PPEF1: variants seen among roughly 807,000 people sequenced by gnomAD.
The protein encoded by PPEF1 is serine/threonine-protein phosphatase with EF-hands 1.
PPEF1 carries 12 observed loss-of-function variants against 53.3 expected under a neutral mutation model. The ratio of observed to expected loss-of-function variants is 0.23; its 90% CI spans 0.14 to 0.36. The LOEUF (loss-of-function observed/expected upper bound fraction) is 0.36, where lower values mean the gene tolerates loss of function less well. Among genes scored for constraint, PPEF1 ranks in the 10% least tolerant of loss-of-function variants. The pLI is 1.00. For synonymous variants in PPEF1, 165 were observed against 176.7 expected (o/e 0.93, Z 0.52); for missense variants, 334 against 490.4 (o/e 0.68, Z 3.01).
At chrX:18,735,867 C>T (rs1256042510) in intron 3 of PPEF1, among the ~76,000 whole-genome samples, 1 of 111,456 alleles carries the variant, frequency 9.0e-6, no homozygotes, top group Non-Finnish European at 1.9e-5. Context: ...TGAATTCCTA[C>T]GTATTTTATT....
chrX:18,745,360 C>T (rs1028431865), intron 3 of PPEF1, among the ~76,000 whole-genome samples: 62 of 105,389 alleles, frequency 5.9e-4, no homozygotes, highest in Non-Finnish European at 1.0e-3. Context: ...ACTAGAGGCA[C>T]GCACCACCAT....
At position 18,779,215 on chromosome X, in the gene PPEF1, G is replaced by A. The variant is rs143652441; in HGVS notation, c.725+39G>A. On this transcript the variant is annotated intron_variant, in intron 7 of 15. Coordinates refer to ENST00000470157, the MANE Select transcript of PPEF1 (RefSeq NM_001377996.1). ...TTAGATTTTCTCTTTTAAAAGTTTC[G>A]CACTCTGGAAAATGCTGCCATATTT... 1.5e-3 allele frequency: 1,629 copies of A among 1,112,302 alleles called. 7 individuals carry two copies. In the African/African-American group the frequency reaches 0.016, roughly 11 times the overall value. The allele number at this position is 1,112,302 out of a possible 1,213,427, so 91.7% of individuals were successfully genotyped here.
intron 1 of PPEF1, among the ~76,000 whole-genome samples, chrX:18,726,662 C>CT (rs11348941): frequency 7.6e-4 from 78 of 101,999 alleles, no homozygotes; most frequent in African/African-American, 2.2e-3. Flanking sequence ...TCAGTTATTT[C>CT]TTTTTTTTTT....
At chrX:18,735,563 A>AC in intron 3 of PPEF1, among the ~76,000 whole-genome samples, 1 of 111,784 alleles carries the variant, frequency 8.9e-6, no homozygotes. Flanking sequence ...AGGTAGCGTG[A>AC]TGCCTCCAGC....
chrX:18,769,992 T>A (rs1234018176), intron 6 of PPEF1, among the ~76,000 whole-genome samples: 4 of 111,862 alleles, frequency 3.6e-5, no homozygotes, highest in African/African-American at 1.3e-4. Flanking sequence ...GTCTGCTATT[T>A]TTCCCCCTAC....
chrX:18,716,802 A>G (rs962630406), intron 1 of PPEF1, among the ~76,000 whole-genome samples: 1 of 111,207 alleles, frequency 9.0e-6, no homozygotes, highest in Non-Finnish European at 1.9e-5. Flanking sequence ...ATAGCCATCA[A>G]GCAGTCTTTA....
At chrX:18,751,988 C>T (rs1406220959) in intron 4 of PPEF1, among the ~76,000 whole-genome samples, 1 of 111,529 alleles carries the variant, frequency 9.0e-6, no homozygotes. Context: ...ATTGTTTTGG[C>T]TATTTGGGGT....
intron 1 of PPEF1, among the ~76,000 whole-genome samples, chrX:18,715,233 T>G: frequency 9.2e-6 from 1 of 108,970 alleles, no homozygotes; most frequent in Non-Finnish European, 1.9e-5. Context: ...AGACCCTGAC[T>G]CTTAAAAGAA....
intron 9 of PPEF1, among the ~76,000 whole-genome samples, chrX:18,788,132 C>CA (rs1332677418): frequency 2.7e-5 from 3 of 110,069 alleles, no homozygotes; most frequent in Admixed American, 1.9e-4. Context: ...CTGGCTAACA[C>CA]GGTGACACCC....
intron 13 of PPEF1, among the ~76,000 whole-genome samples, chrX:18,823,186 T>C (rs924457041): frequency 9.0e-6 from 1 of 111,533 alleles, no homozygotes; most frequent in Non-Finnish European, 1.9e-5. Flanking sequence ...CCTATAAAAA[T>C]AGAAACAGCC....
Position 18,789,147 on chromosome X carries a change from G to A in PPEF1, c.939G>A (p.Thr313=), listed in dbSNP as rs200175091. ...NKMKSVLIPP[T]ETNRDHDTDS... The stretch of plus-strand genomic sequence containing the variant: ...TGAAATCTGTGCTGATACCACCAAC[G>A]GAAACAAACAGAGACCATGACACTG... Residue 313 remains threonine, a synonymous_variant, in exon 10 of 16, where the codon ACG becomes ACA. Transcript: ENST00000470157. 1.9e-5 allele frequency: 23 copies of A among 1,209,971 alleles called. No individual in the cohort carries two copies. In the African/African-American group the frequency reaches 2.6e-4, roughly 14 times the overall value.
At chrX:18,713,652 CTCAT>C (rs2044378604) in intron 1 of PPEF1, among the ~76,000 whole-genome samples, 2 of 110,899 alleles carry the variant, frequency 1.8e-5, no homozygotes, top group African/African-American at 6.5e-5. Flanking sequence ...AAAATTTTCT[CTCAT>C]TCAGATATTT....
chrX:18,775,032 T>C (rs1441751522), intron 6 of PPEF1, among the ~76,000 whole-genome samples: 5 of 109,286 alleles, frequency 4.6e-5, no homozygotes, highest in Non-Finnish European at 3.8e-5. Context: ...GAAATGCTTA[T>C]TATTGGCATA....
Position 18,827,716 on chromosome X carries a change from A to C in PPEF1, c.*229A>C, listed in dbSNP as rs2047193748. The C allele has an allele frequency of 5.5e-6, 2 of 364,027 alleles. No individual in the cohort carries two copies. The highest frequency in any genetic ancestry group is 9.6e-6 in the Non-Finnish European group (2 of 209,214). The allele number at this position is 364,027 out of a possible 1,213,427, so 30.0% of individuals were successfully genotyped here. A position where few individuals can be genotyped will look rare whatever the true frequency, so the allele number is the denominator to read the frequency against. The stretch of plus-strand genomic sequence containing the variant: ...ATTTGGTTTCAGCATTAGTACCTAC[A>C]TATTGCCAGTGAGAAACTGGGTTGG... On this transcript the variant is annotated 3_prime_UTR_variant, in exon 16 of 16. Transcript: ENST00000470157.
intron 12 of PPEF1, among the ~76,000 whole-genome samples, chrX:18,806,777 C>T (rs998906195): frequency 5.4e-5 from 6 of 111,903 alleles, no homozygotes; most frequent in Non-Finnish European, 1.1e-4. Flanking sequence ...GCAGTCAGCC[C>T]TCAGAAACGT....
At chrX:18,699,203 T>G (rs1335975801) in intron 5 of PPEF1, among the ~76,000 whole-genome samples, 1 of 111,352 alleles carries the variant, frequency 9.0e-6, no homozygotes, top group Non-Finnish European at 1.9e-5. Context: ...TGCCTCATAA[T>G]GAGGCCCTCT....
chrX:18,758,115 G>A (rs2045585680), intron 5 of PPEF1, among the ~76,000 whole-genome samples: 1 of 111,598 alleles, frequency 9.0e-6, no homozygotes, highest in Admixed American at 9.5e-5. Context: ...AGCCCGTGGC[G>A]GGGTGAAGAT....
chrX:18,817,823 T>G (rs1310845346), intron 12 of PPEF1, among the ~76,000 whole-genome samples: 1 of 111,519 alleles, frequency 9.0e-6, no homozygotes, highest in Non-Finnish European at 1.9e-5. Flanking sequence ...AAAATACTAT[T>G]TGTAATCCTT....
chrX:18,696,404 C>CA (rs1041835283), intron 4 of PPEF1, among the ~76,000 whole-genome samples: 1 of 108,775 alleles, frequency 9.2e-6, no homozygotes, highest in African/African-American at 3.3e-5. Flanking sequence ...CCTCCTTGCT[C>CA]AGCCTCCCAA....
Sources: gnomAD v4.1 joint callset for allele counts (sites outside exome capture counted in the v4.1 genomes callset) on GRCh38, gnomAD v4.1.1 for gene constraint, MANE v1.5 for transcripts, NCBI Gene and HGNC (gene_info 2026-07-23, HGNC 2026-07-21) for gene names.